Variants in ABR observed in about 807,000 individuals in gnomAD.
The protein encoded by ABR is active breakpoint cluster region-related protein.
In ABR, 35 loss-of-function variants were observed where a neutral mutation model predicts 107.2. The observed-to-expected ratio is 0.33, with a 90% CI of 0.25 to 0.43. The LOEUF is 0.43. Ranked by LOEUF, ABR falls within the 20% of genes least tolerant of loss-of-function variation. The pLI, the probability that ABR is intolerant of heterozygous loss-of-function variation, is 1.00. For missense variants in ABR, 815 were observed against 1,115.2 expected (o/e 0.73, Z 3.83); for synonymous variants, 498 against 462.0 (o/e 1.08, Z -1.00).
intron 4 of ABR, among the ~76,000 whole-genome samples, chr17:1,088,999 G>A (rs1260015604): frequency 6.6e-6 from 1 of 150,460 alleles, no homozygotes; most frequent in African/African-American, 2.5e-5. Context: ...AGGTTCAAGC[G>A]ATTCTCCCGC....
chr17:1,083,801 C>A (rs561202976), intron 4 of ABR, 174 bp from the exon 5 acceptor site: 1 of 605,286 alleles, frequency 1.7e-6, no homozygotes, highest in Non-Finnish European at 3.0e-6. Context: ...TCCCTTTGAA[C>A]TGGACAGTTT....
At chr17:1,198,168 G>C (rs934490358) in intron 1 of ABR, among the ~76,000 whole-genome samples, 1 of 151,602 alleles carries the variant, frequency 6.6e-6, no homozygotes, top group Admixed American at 6.6e-5. Context: ...TGGGGCTGCG[G>C]GTTCTGTCTG....
In ABR at chr17:1,006,577, CTGGTCTAGGCTCACATGTT is replaced by C. The variant is rs1207956649; in HGVS notation, c.2491-427_2491-409del. ...AGAATGCAGCCAGCATCTCTGGGCCCTGGTCTAGGCTCACATGTTTGTTTTGGCCTGGGAGGGGCAGAAG... is the reference window on the plus strand; with the variant it reads ...AGAATGCAGCCAGCATCTCTGGGCCCTGTTTTGGCCTGGGAGGGGCAGAAG... On this transcript the variant is annotated intron_variant, in intron 22 of 22. Coordinates refer to ENST00000302538, the MANE Select transcript of ABR (RefSeq NM_021962.5). Among the ~76,000 whole-genome samples the C allele has an allele frequency of 3.9e-5, 6 of 152,300 alleles. 2 individuals carry two copies. The highest frequency in any genetic ancestry group is 1.4e-4 in the African/African-American group (6 of 41,576).
chr17:1,215,550 G>T (rs1432872432), intron 1 of ABR, among the ~76,000 whole-genome samples: 29 of 152,252 alleles, frequency 1.9e-4, no homozygotes, highest in African/African-American at 6.0e-4. Context: ...GCTCAATGGT[G>T]CCCAGGCTGG....
intron 16 of ABR, among the ~76,000 whole-genome samples, chr17:1,034,711 A>T (rs1344341949): frequency 6.6e-6 from 1 of 152,082 alleles, no homozygotes; most frequent in Admixed American, 6.5e-5. Flanking sequence ...ATGCCATTAT[A>T]ACTGCTCTCC....
chr17:1,082,629 G>A (rs2036321710), intron 5 of ABR, among the ~76,000 whole-genome samples: 1 of 152,180 alleles, frequency 6.6e-6, no homozygotes. Flanking sequence ...TTATGGGATG[G>A]CAGTCTTAGA....
chr17:1,076,583 A>AAGCTGACACTGCATTATCG (rs2035729147), intron 6 of ABR, among the ~76,000 whole-genome samples: 1 of 151,960 alleles, frequency 6.6e-6, no homozygotes, highest in African/African-American at 2.4e-5. Flanking sequence ...TTTCTGACTA[A>AAGCTGACACTGCATTATCG]GCTCAGAGGT....
chr17:1,144,430 G>A (rs978579496), intron 1 of ABR, among the ~76,000 whole-genome samples: 23 of 152,172 alleles, frequency 1.5e-4, no homozygotes, highest in Non-Finnish European at 3.1e-4. Flanking sequence ...TCTGGGTCCC[G>A]CGTCCAGACC....
chr17:1,155,034 T>G (rs2040986333), intron 1 of ABR: 1 of 151,658 alleles, frequency 6.6e-6, no homozygotes. Flanking sequence ...CCAGTCACAC[T>G]GGGCCCTCTC....
chr17:1,020,149 T>C (rs1045429756), intron 16 of ABR, among the ~76,000 whole-genome samples: 12 of 151,962 alleles, frequency 7.9e-5, no homozygotes, highest in African/African-American at 2.9e-4. Flanking sequence ...AGTGGCGCGA[T>C]CTCAGCTCAC....
At chr17:1,029,461 G>A (rs187114708) in intron 16 of ABR, among the ~76,000 whole-genome samples, 17 of 152,080 alleles carry the variant, frequency 1.1e-4, no homozygotes, top group Non-Finnish European at 1.8e-4. Flanking sequence ...GATGAGTCAC[G>A]CCCCGCCTCC....
At chr17:1,036,521 G>T (rs1424881606) in intron 16 of ABR, among the ~76,000 whole-genome samples, 1 of 151,714 alleles carries the variant, frequency 6.6e-6, no homozygotes, top group Non-Finnish European at 1.5e-5. Flanking sequence ...AGGAGAGCAG[G>T]GCGGACCCGA....
At chr17:1,151,808 A>C (rs1387763977) in intron 1 of ABR, among the ~76,000 whole-genome samples, 1 of 152,214 alleles carries the variant, frequency 6.6e-6, no homozygotes. Flanking sequence ...ATACAATAGA[A>C]AGACAGGACA....
At chr17:1,067,578 C>A (rs535811350) in intron 9 of ABR, among the ~76,000 whole-genome samples, 4 of 152,222 alleles carry the variant, frequency 2.6e-5, no homozygotes, top group Non-Finnish European at 4.4e-5. Context: ...CTATTCCCCA[C>A]CACAATCCCC....
intron 3 of ABR, among the ~76,000 whole-genome samples, chr17:1,097,853 A>G (rs2037577698): frequency 6.6e-6 from 1 of 152,136 alleles, no homozygotes; most frequent in Non-Finnish European, 1.5e-5. Flanking sequence ...GACGTGTTTC[A>G]CGAATGTCTG....
At chr17:1,171,223 G>A (rs879416089) in intron 1 of ABR, among the ~76,000 whole-genome samples, 1 of 152,184 alleles carries the variant, frequency 6.6e-6, no homozygotes, top group Non-Finnish European at 1.5e-5. Flanking sequence ...ATTACACGGC[G>A]TCTTTGGTCC....
rs2069966991 is a variant in ABR, at chr17:1,005,655, A to G, written c.*425T>C. 4.9e-6 allele frequency: 1 copy of G among 204,830 alleles called. No individual in the cohort carries two copies. The highest frequency in any genetic ancestry group is 8.6e-5 in the South Asian group (1 of 11,574). The allele number at this position is 204,830 out of a possible 1,614,324, so 12.7% of individuals were successfully genotyped here. The stretch of plus-strand genomic sequence containing the variant: ...GAGACCGCCATCTGGGAGCAGGGCC[A>G]AGAGAGAAGCTGGCAGCAGTTACAC... On this transcript the variant is annotated 3_prime_UTR_variant, in exon 23 of 23. Coordinates refer to ENST00000302538, the MANE Select transcript of ABR (RefSeq NM_021962.5).
At chr17:1,138,470 T>C (rs1396550987) in intron 1 of ABR, among the ~76,000 whole-genome samples, 5 of 152,094 alleles carry the variant, frequency 3.3e-5, no homozygotes, top group African/African-American at 4.8e-5. Context: ...TTTTTGTTTT[T>C]TGATTTTTGT....
intron 2 of ABR, among the ~76,000 whole-genome samples, chr17:1,110,070 A>C (rs2038577717): frequency 4.6e-5 from 6 of 130,468 alleles, no homozygotes; most frequent in South Asian, 2.9e-4. Flanking sequence ...CCCCCCAGCC[A>C]CCCCACCGCA....
Sources: gnomAD v4.1 joint callset for allele counts (sites outside exome capture counted in the v4.1 genomes callset) on GRCh38, gnomAD v4.1.1 for gene constraint, MANE v1.5 for transcripts, NCBI Gene and HGNC (gene_info 2026-07-23, HGNC 2026-07-21) for gene names.